The following RCL1 variants were observed in gnomAD, a reference collection of about 807,000 sequenced individuals.
RCL1 encodes the protein RNA terminal phosphate cyclase like 1, also known as RNA 3'-terminal phosphate cyclase-like protein.
In RCL1, 24 loss-of-function variants were observed where a neutral mutation model predicts 42.4. The ratio of observed to expected loss-of-function variants is 0.57; its 90% CI spans 0.41 to 0.80. The LOEUF (loss-of-function observed/expected upper bound fraction) is 0.80, where lower values mean the gene tolerates loss of function less well. RCL1 is among the 30% of genes least tolerant of loss of function. The pLI, the probability that RCL1 is intolerant of heterozygous loss-of-function variation, is 0.00. For missense variants in RCL1, 578 were observed against 467.9 expected (o/e 1.24, Z -2.17); for synonymous variants, 228 against 177.3 (o/e 1.29, Z -2.27).
At chr9:4,821,872 C>G (rs991863706) in intron 1 of RCL1, among the ~76,000 whole-genome samples, 1 of 152,222 alleles carries the variant, frequency 6.6e-6, no homozygotes, top group African/African-American at 2.4e-5. Flanking sequence ...GGCCAGAGCC[C>G]TTGTGGCTTA....
chr9:4,803,637 C>G (rs1225899282), intron 1 of RCL1, among the ~76,000 whole-genome samples: 1 of 152,044 alleles, frequency 6.6e-6, no homozygotes, highest in Non-Finnish European at 1.5e-5. Flanking sequence ...TGATTATTCA[C>G]TCACAAGTTG....
chr9:4,793,776 A>G (rs1333880749), intron 1 of RCL1, among the ~76,000 whole-genome samples: 3 of 152,098 alleles, frequency 2.0e-5, no homozygotes, highest in African/African-American at 7.2e-5. Flanking sequence ...AAATTTTTAA[A>G]ATTCTGTGTT....
chr9:4,801,737 G>A (rs938358268), intron 1 of RCL1, among the ~76,000 whole-genome samples: 2 of 61,056 alleles, frequency 3.3e-5, no homozygotes, highest in African/African-American at 1.1e-4. Context: ...TTTTTTTTTT[G>A]CCTATGGAAA....
intron 3 of RCL1, among the ~76,000 whole-genome samples, chr9:4,830,806 A>G (rs1212341099): frequency 6.6e-6 from 1 of 151,898 alleles, no homozygotes; most frequent in Non-Finnish European, 1.5e-5. Context: ...TTCTTTTTTT[A>G]GCATAGATTG....
chr9:4,857,339 T>C (rs1311836157), intron 8 of RCL1, among the ~76,000 whole-genome samples: 1 of 152,230 alleles, frequency 6.6e-6, no homozygotes, highest in Non-Finnish European at 1.5e-5. Context: ...CTTTTTCATA[T>C]TGTGTAGATA....
intron 8 of RCL1, among the ~76,000 whole-genome samples, chr9:4,855,696 G>A (rs547606665): frequency 1.3e-5 from 2 of 152,138 alleles, no homozygotes; most frequent in African/African-American, 4.8e-5. Flanking sequence ...CAGAGACATA[G>A]GGAGAATGGG....
At chr9:4,847,780 C>T (rs910710563) in intron 7 of RCL1, among the ~76,000 whole-genome samples, 3 of 152,250 alleles carry the variant, frequency 2.0e-5, no homozygotes, top group African/African-American at 4.8e-5. Flanking sequence ...GCTGTATGTG[C>T]TTCTCCACAG....
intron 1 of RCL1, among the ~76,000 whole-genome samples, chr9:4,799,711 A>G (rs1035119587): frequency 2.6e-5 from 4 of 152,084 alleles, no homozygotes; most frequent in Non-Finnish European, 5.9e-5. Context: ...AAATTAAAAA[A>G]ATTTTTAAAA....
At chr9:4,794,838 G>A (rs1302644849) in intron 1 of RCL1, among the ~76,000 whole-genome samples, 1 of 152,000 alleles carries the variant, frequency 6.6e-6, no homozygotes, top group Admixed American at 6.6e-5. Context: ...ATGAGCTCCC[G>A]TTTCTTCCAA....
rs751528095 is a variant in RCL1, at chr9:4,827,110, C to G, written c.384+77C>G. On this transcript the variant is annotated intron_variant, in intron 3 of 8. Transcript: ENST00000381750. ...AACCCAACTTGTGAGAAAAAAGTTCCTTATAAGGCACAGTTTTATTACAAA... is the reference window on the plus strand; with the variant it reads ...AACCCAACTTGTGAGAAAAAAGTTCGTTATAAGGCACAGTTTTATTACAAA... The G allele has an allele frequency of 9.6e-5, 153 of 1,597,320 alleles. No homozygotes were observed. The African/African-American group carries it at 1.7e-3, about 18-fold the overall frequency.
At position 4,841,252 on chromosome 9, in the gene RCL1, C is replaced by G; in HGVS notation, c.605C>G (p.Pro202Arg). Residue 202 changes from proline to arginine, a missense_variant, in exon 6 of 9, where the codon CCT becomes CGT. Coordinates refer to ENST00000381750, the MANE Select transcript of RCL1 (RefSeq NM_005772.5). ...TGCAGGTACTCTGTACGTGTGTCAC[C>G]TCAGATGGCGAACCGGATTGTGGAT... ...RGMAYSVRVS[P>R]QMANRIVDSA... 1 of 1,613,876 alleles carries G rather than the reference C, an allele frequency of 6.2e-7. No homozygotes were observed. Among genetic ancestry groups the G allele is most frequent in the Non-Finnish European group, 8.5e-7 (1 of 1,179,834 alleles).
chr9:4,795,188 C>T (rs12002413), intron 1 of RCL1, among the ~76,000 whole-genome samples: 3,162 of 152,202 alleles, frequency 0.021, 100 homozygotes, highest in African/African-American at 0.071. Flanking sequence ...TGCAATTCTC[C>T]TGCCTCAGCC....
At chr9:4,849,799 C>A (rs951515331) in intron 8 of RCL1, among the ~76,000 whole-genome samples, 1 of 152,100 alleles carries the variant, frequency 6.6e-6, no homozygotes, top group African/African-American at 2.4e-5. Flanking sequence ...TTATTTTGTT[C>A]GTGCTTTAGA....
At chr9:4,835,751 G>C (rs1015757744) in intron 5 of RCL1, among the ~76,000 whole-genome samples, 1 of 152,244 alleles carries the variant, frequency 6.6e-6, no homozygotes, top group African/African-American at 2.4e-5. Flanking sequence ...GCATTTGGCC[G>C]TAAGCCTTGG....
chr9:4,858,223 A>G (rs984557608), intron 8 of RCL1, among the ~76,000 whole-genome samples: 5 of 152,008 alleles, frequency 3.3e-5, no homozygotes, highest in Non-Finnish European at 7.4e-5. Flanking sequence ...ATTGAGTTGT[A>G]AGAGTTGTTT....
chr9:4,817,912 ATTTTTTTTTTTTTT>A (rs66886360), intron 1 of RCL1, among the ~76,000 whole-genome samples: 1 of 78,356 alleles, frequency 1.3e-5, no homozygotes, highest in African/African-American at 5.9e-5. Context: ...CTTTTCTAAG[ATTTTTTTTTTTTTT>A]TTTTTTTTTT....
intron 4 of RCL1, among the ~76,000 whole-genome samples, chr9:4,833,544 G>C (rs1230780461): frequency 1.3e-5 from 2 of 152,164 alleles, no homozygotes; most frequent in Non-Finnish European, 2.9e-5. Context: ...GTGGAGAATA[G>C]ATTTGGGCCA....
At chr9:4,794,734 G>T (rs1842886471) in intron 1 of RCL1, among the ~76,000 whole-genome samples, 1 of 151,794 alleles carries the variant, frequency 6.6e-6, no homozygotes, top group African/African-American at 2.4e-5. Context: ...TCTATTGACA[G>T]GTGGCCTCCA....
chr9:4,831,242 AT>A (rs1379719268), intron 3 of RCL1, among the ~76,000 whole-genome samples: 3 of 151,770 alleles, frequency 2.0e-5, no homozygotes, highest in African/African-American at 7.3e-5. Flanking sequence ...AACTAAGTAA[AT>A]TTGGCTTCAC....
Sources: allele counts gnomAD v4.1 joint callset (sites outside exome capture counted in the v4.1 genomes callset), GRCh38; gene constraint gnomAD v4.1.1; transcripts MANE v1.5; gene names NCBI Gene and HGNC (gene_info 2026-07-23, HGNC 2026-07-21).